The following B3GALT1 variants were observed in gnomAD, a reference collection of about 807,000 sequenced individuals.
B3GALT1 encodes beta-1,3-galactosyltransferase 1, also known as UDP-Gal:betaGlcNAc beta 1,3-galactosyltransferase, polypeptide 1.
A neutral mutation model predicts 23.2 loss-of-function variants in B3GALT1; 10 were observed. The ratio of observed to expected loss-of-function variants is 0.43; its 90% CI spans 0.27 to 0.73. B3GALT1 has a LOEUF of 0.73. B3GALT1 is among the 30% of genes least tolerant of loss of function. The pLI is 0.21. For missense variants in B3GALT1, 299 were observed against 405.4 expected, an observed-to-expected ratio of 0.74 and a Z score of 2.25; for synonymous variants, 156 against 141.5, an observed-to-expected ratio of 1.10 and a Z score of -0.73.
chr2:167,861,313 T>C (rs903161506), intron 4 of B3GALT1, among the ~76,000 whole-genome samples: 2 of 152,224 alleles, frequency 1.3e-5, no homozygotes, highest in African/African-American at 4.8e-5. Context: ...CAATCTACAA[T>C]GTGTTTATTG....
At chr2:167,405,722 T>C (rs1173153376) in intron 1 of B3GALT1, among the ~76,000 whole-genome samples, 3 of 152,156 alleles carry the variant, frequency 2.0e-5, no homozygotes. Flanking sequence ...ATTTTAAATA[T>C]AGTACATGGT....
chr2:167,506,113 T>C (rs1699913662), intron 2 of B3GALT1, among the ~76,000 whole-genome samples: 1 of 152,018 alleles, frequency 6.6e-6, no homozygotes, highest in South Asian at 2.1e-4. Flanking sequence ...GCAACACAAC[T>C]CTATGATGTC....
chr2:167,691,686 T>G (rs545990626), intron 3 of B3GALT1, among the ~76,000 whole-genome samples: 423 of 152,262 alleles, frequency 2.8e-3, no homozygotes, highest in Non-Finnish European at 4.4e-3. Flanking sequence ...TAATGTGTAT[T>G]TGCTGTATTT....
intron 1 of B3GALT1, among the ~76,000 whole-genome samples, chr2:167,462,159 G>C (rs1699267942): frequency 6.6e-6 from 1 of 152,102 alleles, no homozygotes; most frequent in Non-Finnish European, 1.5e-5. Flanking sequence ...TGTAGTAAAG[G>C]AGTTAGGCAG....
In B3GALT1 at chr2:167,798,326, C is replaced by T. The variant is rs147928276; in HGVS notation, c.-351-20346C>T. Among the ~76,000 whole-genome samples, 829 of 152,204 alleles carry T rather than the reference C, an allele frequency of 5.4e-3. 8 individuals are homozygous for T. Among genetic ancestry groups the T allele is most frequent in the African/African-American group, 0.019 (775 of 41,528 alleles). On this transcript the variant is annotated intron_variant, in intron 3 of 4. Transcript: ENST00000392690. ...TGTCATTTTTAGCTTCTGTTGCCAT[C>T]GCTTTTGGTGTTTTCATCATGAAAT...
intron 1 of B3GALT1, among the ~76,000 whole-genome samples, chr2:167,400,191 T>TGTGTGTGTGA: frequency 6.6e-6 from 1 of 150,560 alleles, no homozygotes; most frequent in Non-Finnish European, 1.5e-5. Flanking sequence ...TGTGTGTGTG[T>TGTGTGTGTGA]GTCTGTGTGT....
chr2:167,303,542 T>G (rs1271621846), intron 1 of B3GALT1, among the ~76,000 whole-genome samples: 32 of 151,980 alleles, frequency 2.1e-4, no homozygotes, highest in Admixed American at 2.1e-3. Flanking sequence ...TCAGTATGAA[T>G]GGGAATCATC....
intron 1 of B3GALT1, among the ~76,000 whole-genome samples, chr2:167,395,343 C>G (rs907580216): frequency 3.9e-5 from 6 of 152,066 alleles, no homozygotes; most frequent in African/African-American, 1.4e-4. Context: ...GATGCAATCA[C>G]AGTGGCCTAT....
intron 1 of B3GALT1, among the ~76,000 whole-genome samples, chr2:167,357,275 C>T (rs1473922160): frequency 2.0e-5 from 3 of 151,604 alleles, no homozygotes; most frequent in African/African-American, 2.4e-5. Flanking sequence ...AAAATGTTTT[C>T]GAAGTAGAAT....
intron 1 of B3GALT1, among the ~76,000 whole-genome samples, chr2:167,316,338 T>C (rs898207523): frequency 1.3e-5 from 2 of 152,154 alleles, no homozygotes; most frequent in African/African-American, 4.8e-5. Flanking sequence ...CAATGTTGCT[T>C]GGCCTGTAGT....
At chr2:167,344,916 G>T (rs192247073) in intron 1 of B3GALT1, among the ~76,000 whole-genome samples, 4 of 152,072 alleles carry the variant, frequency 2.6e-5, no homozygotes, top group Non-Finnish European at 4.4e-5. Context: ...GCAAGATAAG[G>T]TTAGTGATTT....
chr2:167,702,113 G>A (rs1184929255), intron 3 of B3GALT1, among the ~76,000 whole-genome samples: 2 of 152,190 alleles, frequency 1.3e-5, no homozygotes, highest in Non-Finnish European at 2.9e-5. Flanking sequence ...AAGTATCTCT[G>A]TGTGATGCAG....
chr2:167,628,388 G>A (rs1005383762), intron 2 of B3GALT1, among the ~76,000 whole-genome samples: 13 of 149,990 alleles, frequency 8.7e-5, no homozygotes, highest in African/African-American at 1.3e-4. Flanking sequence ...TTCCTATTTC[G>A]AAACATGGCT....
intron 2 of B3GALT1, among the ~76,000 whole-genome samples, chr2:167,575,687 T>C (rs1684369300): frequency 6.6e-6 from 1 of 151,848 alleles, no homozygotes; most frequent in African/African-American, 2.4e-5. Context: ...AAACTAACAA[T>C]GCCTATCTCC....
chr2:167,476,680 G>T (rs1017814340), intron 1 of B3GALT1, among the ~76,000 whole-genome samples: 1 of 152,096 alleles, frequency 6.6e-6, no homozygotes, highest in Middle Eastern at 3.2e-3. Flanking sequence ...ATTAGAAATA[G>T]AATTTGAAAA....
chr2:167,486,367 A>AG (rs1553521445), intron 1 of B3GALT1, among the ~76,000 whole-genome samples: 20 of 150,808 alleles, frequency 1.3e-4, no homozygotes, highest in African/African-American at 3.7e-4. Context: ...CAAAAAAAAA[A>AG]AAAAGAAAAG....
In B3GALT1 at chr2:167,718,690, C is replaced by T. The variant is rs1355605021; in HGVS notation, c.-352+71724C>T. On this transcript the variant is annotated intron_variant, in intron 3 of 4. Transcript: ENST00000392690. Reference sequence around the variant, plus strand: ...AACTGTGTGTTTTTATAAAGAGTTGCGCAGAAGTGTGATGGGAGGACAAAA... The same window carrying T: ...AACTGTGTGTTTTTATAAAGAGTTGTGCAGAAGTGTGATGGGAGGACAAAA... 3.3e-5 allele frequency among the ~76,000 whole-genome samples: 5 copies of T among 151,998 alleles called. No homozygotes were observed. In the South Asian group the frequency reaches 6.2e-4, roughly 19 times the overall value.
intron 1 of B3GALT1, among the ~76,000 whole-genome samples, chr2:167,300,019 C>T (rs1696420604): frequency 6.6e-6 from 1 of 152,116 alleles, no homozygotes; most frequent in Non-Finnish European, 1.5e-5. Context: ...TCTCCTGCCT[C>T]AGCCTCCCGA....
intron 1 of B3GALT1, among the ~76,000 whole-genome samples, chr2:167,396,534 A>G (rs372401574): frequency 0.035 from 4,920 of 142,182 alleles, 123 homozygotes; most frequent in African/African-American, 0.084. Context: ...ATATATATAT[A>G]TGTGTGTGTG....
Sources: allele counts gnomAD v4.1 joint callset (sites outside exome capture counted in the v4.1 genomes callset), GRCh38; gene constraint gnomAD v4.1.1; transcripts MANE v1.5; gene names NCBI Gene and HGNC (gene_info 2026-07-23, HGNC 2026-07-21).